ADAM7: variants seen among roughly 807,000 people sequenced by gnomAD.
The protein encoded by ADAM7 is disintegrin and metalloproteinase domain-containing protein 7.
Under a neutral mutation model 102.9 loss-of-function variants are expected in ADAM7, and 97 were observed. That is an observed-to-expected ratio of 0.94 (90% CI 0.80 to 1.12). The LOEUF (loss-of-function observed/expected upper bound fraction) is 1.12. Ranked by LOEUF, ADAM7 falls within the 50% of genes most tolerant of loss-of-function variation. The probability of loss-of-function intolerance (pLI) is 0.00; values close to 1 mark genes in which losing one functional copy is unlikely to be tolerated. For missense variants in ADAM7, 991 were observed against 908.7 expected, an observed-to-expected ratio of 1.09 and a Z score of -1.16; for synonymous variants, 334 against 304.4, an observed-to-expected ratio of 1.10 and a Z score of -1.01.
intron 3 of ADAM7, among the ~76,000 whole-genome samples, chr8:24,462,004 C>T (rs747084689): frequency 9.9e-5 from 15 of 152,104 alleles, no homozygotes; most frequent in Non-Finnish European, 1.6e-4. Flanking sequence ...TTTCTCTTGA[C>T]GATAGTTCAA....
intron 2 of ADAM7, 119 bp downstream of exon 2, chr8:24,442,695 C>A: frequency 1.3e-6 from 1 of 774,706 alleles, no homozygotes. Flanking sequence ...TAAGGACTCC[C>A]ATTCGGCATA....
intron 13 of ADAM7, 148 bp downstream of exon 13, chr8:24,491,036 G>A: frequency 4.0e-6 from 3 of 740,928 alleles, no homozygotes; most frequent in Non-Finnish European, 6.7e-6. Context: ...CTTGTGAGAT[G>A]CTCCAACATC....
rs568755646 is a variant in ADAM7 at position 24,497,485 on chromosome 8, G to C, written c.1843-1751G>C. On this transcript the variant is annotated intron_variant, in intron 16 of 21. Transcript: ENST00000175238. ...ATGTGGCCAGTAAACCACTGAATTG[G>C]ATATTACAAAAAAAATCAGTAAGTT... Among the ~76,000 whole-genome samples, 5 of 151,908 alleles carry C rather than the reference G, an allele frequency of 3.3e-5. 1 individual carries two copies. The highest frequency in any genetic ancestry group is 9.7e-5 in the African/African-American group (4 of 41,438).
intron 13 of ADAM7, 148 bp downstream of exon 13, chr8:24,491,036 G>C: frequency 2.7e-6 from 2 of 740,928 alleles, no homozygotes; most frequent in South Asian, 3.6e-5. Flanking sequence ...CTTGTGAGAT[G>C]CTCCAACATC....
chr8:24,470,850 T>G (rs1417455612), intron 7 of ADAM7, among the ~76,000 whole-genome samples: 2 of 152,232 alleles, frequency 1.3e-5, no homozygotes, highest in Admixed American at 6.6e-5. Flanking sequence ...TATTTTATAG[T>G]GTACTCTTAT....
chr8:24,495,563 A>G (rs28851170), intron 16 of ADAM7, among the ~76,000 whole-genome samples: 18,180 of 152,208 alleles, frequency 0.12, 1,506 homozygotes, highest in African/African-American at 0.24. Flanking sequence ...AGAATCAATG[A>G]ATGTAAAGAA....
intron 9 of ADAM7, 66 bp downstream of exon 9, chr8:24,482,377 T>A: frequency 2.8e-6 from 4 of 1,442,294 alleles, no homozygotes; most frequent in South Asian, 1.3e-5. Context: ...CAAAAAAAAA[T>A]TAACAGAAAA....
chr8:24,462,748 T>A (rs1038126951), intron 3 of ADAM7, among the ~76,000 whole-genome samples: 2 of 152,236 alleles, frequency 1.3e-5, no homozygotes, highest in African/African-American at 4.8e-5. Context: ...CACCATTTAT[T>A]TTTTTGACCA....
chr8:24,465,676 AAT>A (rs780372349), intron 4 of ADAM7, 21 bp from the exon 5 acceptor site: 9 of 1,493,174 alleles, frequency 6.0e-6, no homozygotes, highest in Non-Finnish European at 4.6e-6. Flanking sequence ...TACATATAGT[AAT>A]AGAGTCTTCT....
At chr8:24,445,991 GTTATC>G in intron 2 of ADAM7, among the ~76,000 whole-genome samples, 1 of 152,094 alleles carries the variant, frequency 6.6e-6, no homozygotes, top group African/African-American at 2.4e-5. Flanking sequence ...TGTGTGCTTG[GTTATC>G]CAGTGTTTTT....
At chr8:24,499,766 G>T (rs1263512995) in intron 17 of ADAM7, among the ~76,000 whole-genome samples, 1 of 150,562 alleles carries the variant, frequency 6.6e-6, no homozygotes, top group African/African-American at 2.4e-5. Flanking sequence ...TCGCTCATAA[G>T]CTGGGTTAAT....
At chr8:24,506,078 CTCT>C (rs1563400526) in intron 20 of ADAM7, 1 of 1,545,568 alleles carries the variant, frequency 6.5e-7, no homozygotes, top group East Asian at 2.4e-5. Flanking sequence ...TTAATAGTAT[CTCT>C]TCTTACTAGC....
chr8:24,475,074 A>G (rs1378829313), intron 7 of ADAM7, among the ~76,000 whole-genome samples: 2 of 152,178 alleles, frequency 1.3e-5, no homozygotes, highest in Non-Finnish European at 2.9e-5. Flanking sequence ...TGGATGAAAC[A>G]CTGACAGCTA....
intron 4 of ADAM7, among the ~76,000 whole-genome samples, chr8:24,464,198 G>A (rs1447822523): frequency 1.3e-5 from 2 of 152,070 alleles, no homozygotes; most frequent in Admixed American, 1.3e-4. Flanking sequence ...TTCCTAAACT[G>A]ATTTCTGTAC....
At chr8:24,494,440 G>A (rs893088552) in intron 16 of ADAM7, among the ~76,000 whole-genome samples, 15 of 151,554 alleles carry the variant, frequency 9.9e-5, no homozygotes, top group African/African-American at 2.9e-4. Context: ...CCTCAGATAC[G>A]AAAAACCAGC....
intron 2 of ADAM7, among the ~76,000 whole-genome samples, chr8:24,446,490 T>C (rs1399849516): frequency 1.3e-5 from 2 of 152,064 alleles, no homozygotes; most frequent in East Asian, 3.9e-4. Flanking sequence ...AGCTTTACAT[T>C]TTTTTTCATG....
rs1819769618 is a variant in ADAM7 at position 24,476,413 on chromosome 8, T to TATTA, written c.634-18_634-17insTAAT. On this transcript the variant is annotated intron_variant, in intron 7 of 21. Transcript: ENST00000175238. Reference sequence around the variant, plus strand: ...AACTCCTATTATTAATGAATATTAATATGATATTTATATTTCCAGTATCGC... The same window carrying TATTA: ...AACTCCTATTATTAATGAATATTAATATTAATGATATTTATATTTCCAGTATCGC... The TATTA allele has an allele frequency of 1.9e-6, 3 of 1,548,776 alleles. No individual in the cohort carries two copies. In the African/African-American group the frequency reaches 4.1e-5, roughly 21 times the overall value.
Position 24,476,421 on chromosome 8 carries a change from T to G in ADAM7, c.634-12T>G, listed in dbSNP as rs1201917931. 5.1e-6 allele frequency: 8 copies of G among 1,578,586 alleles called. No homozygotes were observed. Among genetic ancestry groups the G allele is most frequent in the Non-Finnish European group, 6.9e-6 (8 of 1,153,852 alleles). On this transcript the variant is annotated splice_polypyrimidine_tract_variant and intron_variant, in intron 7 of 21. Coordinates refer to ENST00000175238, the MANE Select transcript of ADAM7 (RefSeq NM_003817.4). ...TTATTAATGAATATTAATATGATATTTATATTTCCAGTATCGCAGAAATGG... is the reference window on the plus strand; with the variant it reads ...TTATTAATGAATATTAATATGATATGTATATTTCCAGTATCGCAGAAATGG...
chr8:24,444,455 A>G (rs965251955), intron 2 of ADAM7, among the ~76,000 whole-genome samples: 4 of 151,730 alleles, frequency 2.6e-5, no homozygotes, highest in Middle Eastern at 3.2e-3. Flanking sequence ...GGAAAGAGTC[A>G]TTTTACAGAG....
Sources: allele counts gnomAD v4.1 joint callset (sites outside exome capture counted in the v4.1 genomes callset), GRCh38; gene constraint gnomAD v4.1.1; transcripts MANE v1.5; gene names NCBI Gene and HGNC (gene_info 2026-07-23, HGNC 2026-07-21).